Variants in BUD13 observed in about 807,000 individuals in gnomAD.
BUD13 encodes the protein BUD13 spliceosome associated protein.
BUD13 carries 47 observed loss-of-function variants against 62.5 expected under a neutral mutation model. That is an observed-to-expected ratio of 0.75 (90% CI 0.60 to 0.96). BUD13 has a LOEUF of 0.96. BUD13 is among the 40% of genes least tolerant of loss of function. The probability of loss-of-function intolerance (pLI) is 0.00; values close to 1 mark genes in which losing one functional copy is unlikely to be tolerated. For missense variants in BUD13, 821 were observed against 790.9 expected, an observed-to-expected ratio of 1.04 and a Z score of -0.46; for synonymous variants, 293 against 280.1, an observed-to-expected ratio of 1.05 and a Z score of -0.46.
chr11:116,761,486 G>C (rs549374776), intron 4 of BUD13, among the ~76,000 whole-genome samples: 29 of 152,312 alleles, frequency 1.9e-4, no homozygotes, highest in African/African-American at 7.0e-4. Context: ...GAAGAGCAAA[G>C]TCAGAAACAA....
At chr11:116,756,471 C>T (rs565243061) in intron 9 of BUD13, among the ~76,000 whole-genome samples, 22 of 151,964 alleles carry the variant, frequency 1.4e-4, no homozygotes, top group African/African-American at 5.3e-4. Flanking sequence ...GAGACTGCGC[C>T]ACTGCACTCC....
At position 116,759,020 on chromosome 11, in the gene BUD13, A is replaced by T. The variant is rs1184545278; in HGVS notation, c.1360+54T>A. 1.1e-5 allele frequency: 12 copies of T among 1,083,170 alleles called. No homozygotes were observed. The African/African-American group carries it at 1.8e-4, about 16-fold the overall frequency. The allele number at this position is 1,083,170 out of a possible 1,614,324, so 67.1% of individuals were successfully genotyped here. On this transcript the variant is annotated intron_variant, in intron 6 of 9. Coordinates refer to ENST00000260210, the MANE Select transcript of BUD13 (RefSeq NM_032725.4). ...ATATCAGGTACAATAAGCTAAATTAAAAAAAAAAAAACAGTATGAGCCTAA... is the reference window on the plus strand; with the variant it reads ...ATATCAGGTACAATAAGCTAAATTATAAAAAAAAAAACAGTATGAGCCTAA...
chr11:116,763,549 G>C (rs1048392726), intron 3 of BUD13, among the ~76,000 whole-genome samples: 2 of 152,108 alleles, frequency 1.3e-5, no homozygotes, highest in Non-Finnish European at 2.9e-5. Flanking sequence ...TTGTATTACA[G>C]CATGAAAACA....
Position 116,771,333 on chromosome 11 carries a change from T to C in BUD13, c.144-1111A>G, listed in dbSNP as rs111683933. Among the ~76,000 whole-genome samples, 1,519 of 152,356 alleles carry C rather than the reference T, an allele frequency of 1.0e-2. 14 individuals carry two copies. The highest frequency in any genetic ancestry group is 0.017 in the Middle Eastern group (5 of 294). On this transcript the variant is annotated intron_variant, in intron 1 of 9. Coordinates refer to ENST00000260210, the MANE Select transcript of BUD13 (RefSeq NM_032725.4). Reference sequence around the variant, plus strand: ...TCCACAAGAACAGGGACTATGTTTTTTTTGTTCACAGAGGCATCCTCAACA... The same window carrying C: ...TCCACAAGAACAGGGACTATGTTTTCTTTGTTCACAGAGGCATCCTCAACA...
At chr11:116,772,306 A>G (rs1940644078) in intron 1 of BUD13, among the ~76,000 whole-genome samples, 1 of 152,240 alleles carries the variant, frequency 6.6e-6, no homozygotes, top group South Asian at 2.1e-4. Flanking sequence ...ATAAACTTAT[A>G]TATGTTTAAA....
At chr11:116,761,020 T>G in intron 4 of BUD13, 68 bp from the exon 5 acceptor site, 2 of 1,287,636 alleles carry the variant, frequency 1.6e-6, no homozygotes, top group Non-Finnish European at 2.2e-6. Flanking sequence ...TGAAATCTCC[T>G]ATGGCTGGGA....
At chr11:116,760,283 A>G (rs759589542) in intron 5 of BUD13, among the ~76,000 whole-genome samples, 1 of 152,228 alleles carries the variant, frequency 6.6e-6, no homozygotes, top group Admixed American at 6.5e-5. Flanking sequence ...AGGTACTACT[A>G]TTATCCACAA....
intron 1 of BUD13, among the ~76,000 whole-genome samples, chr11:116,771,681 T>C (rs1020756870): frequency 2.0e-5 from 3 of 152,024 alleles, no homozygotes; most frequent in Non-Finnish European, 4.4e-5. Flanking sequence ...CACATGGCAC[T>C]GCCTCCAAAG....
In BUD13 at chr11:116,757,941, C is replaced by G; in HGVS notation, c.1509G>C (p.Gln503His). Residue 503 changes from glutamine (Q) to histidine (H), a missense_variant, in exon 8 of 10, where the codon CAG (glutamine) becomes CAC (histidine). Physicochemically the swap from Gln to His is conservative, Grantham distance 24 (BLOSUM62 0). Transcript: ENST00000260210. ...LYAQWGKGLA[Q>H]SRQQQQNVED... ...CCACATTTTGTTGCTGTTGCCGGCT[C>G]TGGGCAAGCCTGGGCAAAAAGGAAC... is the stretch of plus-strand genomic sequence containing the variant. The G allele has an allele frequency of 6.2e-7, 1 of 1,613,366 alleles. No individual in the cohort carries two copies.
intron 6 of BUD13, among the ~76,000 whole-genome samples, 190 bp downstream of exon 6, chr11:116,758,884 G>A (rs112419926): frequency 5.5e-4 from 83 of 152,072 alleles, no homozygotes; most frequent in African/African-American, 1.4e-3. Flanking sequence ...GAGCCACCGC[G>A]CCTGGGCGAA....
intron 9 of BUD13, among the ~76,000 whole-genome samples, chr11:116,756,272 G>T (rs1170971851): frequency 6.6e-6 from 1 of 152,146 alleles, no homozygotes; most frequent in Non-Finnish European, 1.5e-5. Context: ...AGCACTTTGG[G>T]AGGCTGAAGT....
intron 9 of BUD13, among the ~76,000 whole-genome samples, chr11:116,753,261 G>A (rs573198823): frequency 1.3e-5 from 2 of 152,084 alleles, no homozygotes; most frequent in African/African-American, 2.4e-5. Context: ...GGAAATTAGG[G>A]GGGAAATCTT....
At chr11:116,772,361 G>A (rs1057227738) in intron 1 of BUD13, among the ~76,000 whole-genome samples, 1 of 152,168 alleles carries the variant, frequency 6.6e-6, no homozygotes, top group African/African-American at 2.4e-5. Context: ...CTATATAAAT[G>A]TTAGCTTCTC....
At chr11:116,767,590 CAAAAAAAAA>C (rs57036085) in intron 2 of BUD13, among the ~76,000 whole-genome samples, 5 of 80,706 alleles carry the variant, frequency 6.2e-5, no homozygotes, top group Non-Finnish European at 7.0e-5. Flanking sequence ...GAGACTCCAC[CAAAAAAAAA>C]AAAAAAAAAA....
chr11:116,756,003 T>C (rs1286747779), intron 9 of BUD13, among the ~76,000 whole-genome samples: 1 of 152,048 alleles, frequency 6.6e-6, no homozygotes, highest in Non-Finnish European at 1.5e-5. Context: ...AGCCCAAGAA[T>C]TCAAGACCAG....
intron 2 of BUD13, among the ~76,000 whole-genome samples, chr11:116,767,590 CAAA>C (rs57036085): frequency 1.1e-3 from 89 of 80,690 alleles, no homozygotes; most frequent in African/African-American, 3.5e-3. Context: ...GAGACTCCAC[CAAA>C]AAAAAAAAAA....
intron 9 of BUD13, among the ~76,000 whole-genome samples, chr11:116,750,332 C>T (rs73586588): frequency 0.025 from 3,822 of 152,246 alleles, 170 homozygotes; most frequent in African/African-American, 0.086. Flanking sequence ...ACCTCAAATC[C>T]CTTTAATTAC....
chr11:116,754,137 C>A (rs1375987636), intron 9 of BUD13, among the ~76,000 whole-genome samples: 1 of 152,196 alleles, frequency 6.6e-6, no homozygotes, highest in Non-Finnish European at 1.5e-5. Flanking sequence ...CCTCGACCTC[C>A]CTGGGCTCAG....
intron 5 of BUD13, among the ~76,000 whole-genome samples, chr11:116,760,461 G>A (rs1222403863): frequency 6.6e-6 from 1 of 152,166 alleles, no homozygotes; most frequent in African/African-American, 2.4e-5. Flanking sequence ...TAAGAAAATA[G>A]GAAGTTTTTC....
Sources: gnomAD v4.1 joint callset for allele counts (sites outside exome capture counted in the v4.1 genomes callset) on GRCh38, gnomAD v4.1.1 for gene constraint, MANE v1.5 for transcripts, NCBI Gene and HGNC (gene_info 2026-07-23, HGNC 2026-07-21) for gene names.